Variants in DIAPH2 observed in about 807,000 individuals in gnomAD.
The protein encoded by DIAPH2 is diaphanous related formin 2.
DIAPH2 carries 35 observed loss-of-function variants against 92.7 expected under a neutral mutation model. The ratio of observed to expected loss-of-function variants is 0.38; its 90% confidence interval spans 0.29 to 0.50. The LOEUF is 0.50. DIAPH2 is among the 20% of genes least tolerant of loss of function. The pLI is 0.94. For missense variants in DIAPH2, 701 were observed against 819.5 expected (o/e 0.86, Z 1.77); for synonymous variants, 301 against 280.4 (o/e 1.07, Z -0.73).
chrX:97,247,910 G>T (rs756021783), intron 23 of DIAPH2, 71 bp downstream of exon 23: 200 of 1,003,945 alleles, frequency 2.0e-4, no homozygotes, highest in Non-Finnish European at 2.7e-4. Context: ...TAACTGTGTG[G>T]TTAGTTCTAG....
chrX:97,540,407 G>A (rs754017396), intron 26 of DIAPH2, among the ~76,000 whole-genome samples: 1 of 111,752 alleles, frequency 8.9e-6, no homozygotes, highest in African/African-American at 3.2e-5. Flanking sequence ...AGACACCTTC[G>A]CAGGAGCTGA....
chrX:96,751,027 A>G (rs775776858), intron 3 of DIAPH2, among the ~76,000 whole-genome samples: 3 of 112,576 alleles, frequency 2.7e-5, no homozygotes, highest in African/African-American at 9.7e-5. Context: ...GGATTTGAGT[A>G]TAACATTCTA....
At chrX:96,757,139 G>A (rs1344823713) in intron 3 of DIAPH2, among the ~76,000 whole-genome samples, 1 of 109,683 alleles carries the variant, frequency 9.1e-6, no homozygotes, top group African/African-American at 3.3e-5. Context: ...GGATGGTCTC[G>A]ATCTCCTGAC....
intron 4 of DIAPH2, among the ~76,000 whole-genome samples, chrX:96,859,633 A>C (rs1038803439): frequency 1.9e-5 from 2 of 106,578 alleles, no homozygotes; most frequent in Non-Finnish European, 3.9e-5. Context: ...TTATTTATTT[A>C]TTTATTTATT....
At chrX:97,346,016 T>A (rs1185445395) in intron 23 of DIAPH2, among the ~76,000 whole-genome samples, 6 of 112,011 alleles carry the variant, frequency 5.4e-5, no homozygotes, top group Non-Finnish European at 1.1e-4. Flanking sequence ...ATATCTTTAG[T>A]AGGACACATT....
At chrX:96,688,224 A>G (rs1291172931) in intron 1 of DIAPH2, among the ~76,000 whole-genome samples, 1 of 112,670 alleles carries the variant, frequency 8.9e-6, no homozygotes, top group Non-Finnish European at 1.9e-5. Context: ...TTCCTGCATA[A>G]TTTCTGAAGC....
chrX:97,400,746 C>T (rs1007088565), intron 25 of DIAPH2, among the ~76,000 whole-genome samples: 10 of 111,673 alleles, frequency 9.0e-5, no homozygotes, highest in Admixed American at 2.9e-4. Context: ...TTAGATTGCA[C>T]ATCTAAGTGA....
chrX:96,819,701 A>G (rs1256580447), intron 4 of DIAPH2, among the ~76,000 whole-genome samples: 1 of 112,627 alleles, frequency 8.9e-6, no homozygotes, highest in East Asian at 2.8e-4. Flanking sequence ...GTGTTTCTCC[A>G]TAAGGCTTTA....
rs2069175204 is a variant in DIAPH2, at chrX:97,348,122, A to G, written c.2851A>G (p.Thr951Ala). ...TTCCTTAACAAAAAGCTACAGCTTT[A>G]CAAAGACTGCCCGAGAACAGTATGA... ...DKFVEKMTSF[T>A]KTAREQYEKL... The change falls in exon 24 of 27, where the codon ACA (threonine) becomes GCA (alanine). Residue 951 changes from threonine to alanine, a missense_variant. Thr to Ala is a moderately conservative substitution (Grantham distance 58). Around this residue, in one of 3 missense-constraint regions of DIAPH2, gnomAD observed 536 missense variants for 599.3 expected, o/e 0.89. Transcript: ENST00000324765. 8.3e-7 allele frequency: 1 copy of G among 1,211,390 alleles called. No homozygotes were observed. Among genetic ancestry groups the G allele is most frequent in the Non-Finnish European group, 1.1e-6 (1 of 895,238 alleles).
At chrX:97,034,434 G>A (rs1165667070) in intron 17 of DIAPH2, among the ~76,000 whole-genome samples, 1 of 108,289 alleles carries the variant, frequency 9.2e-6, no homozygotes, top group Non-Finnish European at 1.9e-5. Flanking sequence ...CAAAAAATAG[G>A]AAAGTGGAAA....
At chrX:97,142,520 G>A (rs952793957) in intron 22 of DIAPH2, among the ~76,000 whole-genome samples, 4 of 111,313 alleles carry the variant, frequency 3.6e-5, no homozygotes, top group African/African-American at 1.3e-4. Flanking sequence ...GTCTTGATGT[G>A]GTAAGCAGTA....
intron 4 of DIAPH2, among the ~76,000 whole-genome samples, chrX:96,850,194 C>T (rs1408652606): frequency 9.0e-6 from 1 of 111,334 alleles, no homozygotes; most frequent in Non-Finnish European, 1.9e-5. Context: ...GTGTAACACA[C>T]ATGGTATGTT....
chrX:97,104,609 G>C (rs2066926847), intron 20 of DIAPH2, among the ~76,000 whole-genome samples: 1 of 110,038 alleles, frequency 9.1e-6, no homozygotes, highest in South Asian at 3.9e-4. Flanking sequence ...TTGAACTCCT[G>C]GCCTCTAGCA....
chrX:97,002,204 G>A (rs2066149440), intron 17 of DIAPH2, among the ~76,000 whole-genome samples: 1 of 110,442 alleles, frequency 9.1e-6, no homozygotes, highest in African/African-American at 3.3e-5. Context: ...AGCATTACAT[G>A]TTTTTATATA....
intron 26 of DIAPH2, among the ~76,000 whole-genome samples, chrX:97,499,868 A>G (rs1206854237): frequency 8.9e-6 from 1 of 112,567 alleles, no homozygotes; most frequent in Non-Finnish European, 1.9e-5. Context: ...TGATTAGCAT[A>G]GAAGAAAGTC....
intron 22 of DIAPH2, among the ~76,000 whole-genome samples, chrX:97,174,037 AATT>A (rs894757038): frequency 2.5e-4 from 26 of 104,830 alleles, no homozygotes; most frequent in African/African-American, 5.4e-4. Context: ...TATTATATAA[AATT>A]ATTATATAAT....
intron 4 of DIAPH2, among the ~76,000 whole-genome samples, chrX:96,767,482 T>C (rs1434832837): frequency 8.9e-6 from 1 of 112,014 alleles, no homozygotes; most frequent in Non-Finnish European, 1.9e-5. Context: ...AAGTATATTG[T>C]TTATGTTTAA....
At chrX:97,416,808 A>G (rs1480902202) in intron 25 of DIAPH2, among the ~76,000 whole-genome samples, 7 of 112,176 alleles carry the variant, frequency 6.2e-5, no homozygotes, top group Non-Finnish European at 1.1e-4. Flanking sequence ...AAGCCATATA[A>G]CATGTTTATC....
At chrX:97,101,971 A>G (rs1238104691) in intron 20 of DIAPH2, among the ~76,000 whole-genome samples, 1 of 112,313 alleles carries the variant, frequency 8.9e-6, no homozygotes, top group Non-Finnish European at 1.9e-5. Flanking sequence ...GTAATGAGAG[A>G]GGCTCCAAAC....
Sources: gnomAD v4.1 joint callset for allele counts (sites outside exome capture counted in the v4.1 genomes callset) on GRCh38, gnomAD v4.1.1 for gene constraint, gnomAD v4.1.1 regional missense constraint, MANE v1.5 for transcripts, NCBI Gene and HGNC (gene_info 2026-07-23, HGNC 2026-07-21) for gene names.